The following SRPK1 variants were observed in gnomAD, a reference collection of about 807,000 sequenced individuals.
SRPK1 encodes the protein SFRS protein kinase 1.
A neutral mutation model predicts 89.5 loss-of-function variants in SRPK1; 52 were observed. That is an observed-to-expected ratio of 0.58 (90% CI 0.46 to 0.73). SRPK1 has a LOEUF of 0.73. Among genes scored for constraint, SRPK1 ranks in the 30% least tolerant of loss-of-function variants. The pLI is 0.00. For missense variants in SRPK1, 603 were observed against 780.6 expected (o/e 0.77, Z 2.71); for synonymous variants, 255 against 270.2 (o/e 0.94, Z 0.55).
intron 2 of SRPK1, among the ~76,000 whole-genome samples, chr6:35,912,705 A>C (rs1351499022): frequency 1.3e-5 from 2 of 152,172 alleles, no homozygotes; most frequent in Non-Finnish European, 2.9e-5. Context: ...TGAGCAAAAG[A>C]GCTTACCTAA....
At chr6:35,871,639 T>G (rs1331851048) in intron 8 of SRPK1, among the ~76,000 whole-genome samples, 3 of 152,186 alleles carry the variant, frequency 2.0e-5, no homozygotes, top group Non-Finnish European at 4.4e-5. Flanking sequence ...GTATAACTAA[T>G]AACTCAACTT....
chr6:35,916,952 T>C (rs1771117180), intron 2 of SRPK1, among the ~76,000 whole-genome samples: 1 of 151,952 alleles, frequency 6.6e-6, no homozygotes, highest in Non-Finnish European at 1.5e-5. Flanking sequence ...CTCAGCTACT[T>C]GGGAGGCTGA....
chr6:35,834,160 ACC>A lies in SRPK1; in HGVS notation c.*1142_*1143del, dbSNP rs1486003796. 7.2e-5 allele frequency: 11 copies of A among 152,360 alleles called. No individual in the cohort carries two copies. Among genetic ancestry groups the A allele is most frequent in the African/African-American group, 2.7e-4 (11 of 41,338 alleles). The allele number at this position is 152,360 out of a possible 1,614,324, so 9.4% of individuals were successfully genotyped here. On this transcript the variant is annotated 3_prime_UTR_variant, in exon 16 of 16. Coordinates refer to ENST00000373825, the MANE Select transcript of SRPK1 (RefSeq NM_003137.5). Reference sequence around the variant, plus strand: ...ATCTTAAAAAATAACGAACCAACCAACCAAAAAACAAAACAAAACAAGACCAA... The same window carrying A: ...ATCTTAAAAAATAACGAACCAACCAAAAAAAACAAAACAAAACAAGACCAA...
intron 12 of SRPK1, among the ~76,000 whole-genome samples, chr6:35,862,601 G>GAA (rs1769802720): frequency 6.6e-6 from 1 of 152,140 alleles, no homozygotes; most frequent in African/African-American, 2.4e-5. Flanking sequence ...GAAGGACACA[G>GAA]AAAACATAAA....
chr6:35,849,926 G>C (rs1196347544), intron 13 of SRPK1, among the ~76,000 whole-genome samples: 1 of 152,054 alleles, frequency 6.6e-6, no homozygotes, highest in Non-Finnish European at 1.5e-5. Flanking sequence ...GGATGGAACT[G>C]GAAAACAATA....
intron 13 of SRPK1, among the ~76,000 whole-genome samples, chr6:35,850,967 T>C (rs1202020432): frequency 6.6e-6 from 1 of 152,066 alleles, no homozygotes; most frequent in African/African-American, 2.4e-5. Flanking sequence ...TTGAGTGGAA[T>C]AGATGCAATT....
intron 2 of SRPK1, among the ~76,000 whole-genome samples, chr6:35,917,080 A>T (rs184989649): frequency 1.3e-5 from 2 of 151,928 alleles, no homozygotes; most frequent in Non-Finnish European, 2.9e-5. Flanking sequence ...ACAAAACAAA[A>T]CAAAAACAGA....
At chr6:35,919,195 A>T (rs113832384) in intron 2 of SRPK1, among the ~76,000 whole-genome samples, 2,434 of 152,334 alleles carry the variant, frequency 0.016, 25 homozygotes, top group Middle Eastern at 0.037. Flanking sequence ...ACAGACACAC[A>T]CAAACTCTCA....
In SRPK1 at chr6:35,870,419, G is replaced by A. The variant is rs1262701877; in HGVS notation, c.853C>T (p.Arg285Ter). ...QKRQAELLEK[R>*]MQEIEEMEKE... ...TCCATTTCCTCAATTTCCTGCATTC[G>A]CTTCTCTAGTAATTCTGCCTGGCGC... Residue 285 changes from arginine to a stop codon, truncating the protein, a stop_gained, in exon 10 of 16, where the codon CGA becomes TGA. Coordinates refer to ENST00000373825, the MANE Select transcript of SRPK1 (RefSeq NM_003137.5). LOFTEE classifies it high-confidence loss of function. The A allele has an allele frequency of 2.5e-6, 4 of 1,572,110 alleles. No individual in the cohort carries two copies. Among genetic ancestry groups the A allele is most frequent in the South Asian group, 1.2e-5 (1 of 86,420 alleles).
In SRPK1 at chr6:35,890,997, G is replaced by A. The variant is rs369014422; in HGVS notation, c.91C>T (p.Arg31Ter). 2.6e-6 allele frequency: 4 copies of A among 1,551,282 alleles called. No individual in the cohort carries two copies. Among genetic ancestry groups the A allele is most frequent in the African/African-American group, 1.4e-5 (1 of 73,024 alleles). The change falls in exon 3 of 16, where the codon CGA (arginine) becomes TGA (stop). Residue 31 changes from arginine to a stop codon, truncating the protein, a stop_gained. Transcript: ENST00000373825. LOFTEE classifies it high-confidence loss of function. Reference sequence around the variant, plus strand: ...CTCTCAGAGTGGGGAGCAGAGCCTCGGTGCTGAGTTTCAGATCTAAGAAAT... The same window carrying A: ...CTCTCAGAGTGGGGAGCAGAGCCTCAGTGCTGAGTTTCAGATCTAAGAAAT... ...KAQRKSETQH[R>*]GSAPHSESDL...
chr6:35,913,152 T>A (rs1771009140), intron 2 of SRPK1, among the ~76,000 whole-genome samples: 1 of 152,184 alleles, frequency 6.6e-6, no homozygotes, highest in South Asian at 2.1e-4. Flanking sequence ...TGGTTTCAAG[T>A]AATCTAAAGG....
At chr6:35,846,116 T>A (rs907254596) in intron 13 of SRPK1, among the ~76,000 whole-genome samples, 1 of 152,022 alleles carries the variant, frequency 6.6e-6, no homozygotes, top group African/African-American at 2.4e-5. Flanking sequence ...AGAGTTTCAG[T>A]TTAGAAAGAT....
At chr6:35,897,584 G>A (rs955807967) in intron 2 of SRPK1, among the ~76,000 whole-genome samples, 4 of 152,092 alleles carry the variant, frequency 2.6e-5, no homozygotes, top group African/African-American at 9.7e-5. Context: ...GTGCTATCAC[G>A]GCTCCCTCCA....
intron 14 of SRPK1, among the ~76,000 whole-genome samples, chr6:35,839,722 C>A (rs1769263399): frequency 6.6e-6 from 1 of 151,254 alleles, no homozygotes; most frequent in Non-Finnish European, 1.5e-5. Context: ...GCTCTGTCGC[C>A]AGGCTGGAGT....
At chr6:35,836,643 T>C (rs1157472310) in intron 15 of SRPK1, among the ~76,000 whole-genome samples, 1 of 151,882 alleles carries the variant, frequency 6.6e-6, no homozygotes, top group Non-Finnish European at 1.5e-5. Context: ...TGGTCCTAGC[T>C]ACTTGGGAGG....
intron 2 of SRPK1, among the ~76,000 whole-genome samples, chr6:35,912,313 T>G (rs1412857234): frequency 6.6e-6 from 1 of 152,186 alleles, no homozygotes; most frequent in African/African-American, 2.4e-5. Flanking sequence ...ATAGCACCAC[T>G]GCACTCCAGC....
At chr6:35,876,965 G>A (rs1770168514) in intron 6 of SRPK1, among the ~76,000 whole-genome samples, 1 of 152,176 alleles carries the variant, frequency 6.6e-6, no homozygotes, top group Non-Finnish European at 1.5e-5. Flanking sequence ...GGGGAGAGCT[G>A]CAGAAAGAGA....
intron 2 of SRPK1, among the ~76,000 whole-genome samples, chr6:35,904,067 G>T (rs1377568416): frequency 6.6e-6 from 1 of 151,974 alleles, no homozygotes; most frequent in Non-Finnish European, 1.5e-5. Context: ...GCCTCCCAAA[G>T]TGGTGGGATT....
At chr6:35,877,115 T>C (rs1360691778) in intron 6 of SRPK1, among the ~76,000 whole-genome samples, 1 of 152,210 alleles carries the variant, frequency 6.6e-6, no homozygotes, top group Non-Finnish European at 1.5e-5. Context: ...CGCATAGGGC[T>C]TGGAACAGTG....
Sources: gnomAD v4.1 joint callset for allele counts (sites outside exome capture counted in the v4.1 genomes callset) on GRCh38, gnomAD v4.1.1 for gene constraint, MANE v1.5 for transcripts, NCBI Gene and HGNC (gene_info 2026-07-23, HGNC 2026-07-21) for gene names.